Variants in MYO18B observed in about 807,000 individuals in gnomAD.
MYO18B encodes the protein unconventional myosin-XVIIIb.
Under a neutral mutation model 273.0 loss-of-function variants are expected in MYO18B, and 204 were observed. The observed-to-expected ratio is 0.75, with a 90% confidence interval of 0.67 to 0.84. The LOEUF is 0.84. Among genes scored for constraint, MYO18B ranks in the 40% least tolerant of loss-of-function variants. The pLI is 0.00. For synonymous variants in MYO18B, 1,330 were observed against 1,305.7 expected (o/e 1.02, Z -0.40); for missense variants, 3,212 against 3,287.6 (o/e 0.98, Z 0.56).
intron 34 of MYO18B, among the ~76,000 whole-genome samples, chr22:25,922,432 G>A (rs2092361557): frequency 1.3e-5 from 2 of 152,126 alleles, no homozygotes; most frequent in Non-Finnish European, 2.9e-5. Context: ...GCGGAGAGAT[G>A]TCCCAAAGCT....
In MYO18B at chr22:25,903,753, C is replaced by G; in HGVS notation, c.5070C>G (p.Leu1690=). Reference sequence around the variant, plus strand: ...GCGTTGCTGGCTTGAAGGAGAGGCTCTGGAAGTTGGAATCCAGCGCCCTTG... The same window carrying G: ...GCGTTGCTGGCTTGAAGGAGAGGCTGTGGAAGTTGGAATCCAGCGCCCTTG... The part of the protein sequence containing the change: ...ENCVAGLKER[L]WKLESSALEQ... Residue 1690 remains leucine (L), a synonymous_variant, in exon 31 of 44, where the codon CTC becomes CTG. Transcript: ENST00000335473. 6.2e-7 allele frequency: 1 copy of G among 1,604,964 alleles called. No individual in the cohort carries two copies. Among genetic ancestry groups the G allele is most frequent in the Non-Finnish European group, 8.5e-7 (1 of 1,175,792 alleles).
chr22:26,054,523 C>T, the MYO18B span, among the ~76,000 whole-genome samples: 1 of 152,214 alleles, frequency 6.6e-6, no homozygotes, highest in Non-Finnish European at 1.5e-5. Flanking sequence ...TGGGATCATT[C>T]AGGCTTCAAA....
chr22:26,044,554 C>T, the MYO18B span, among the ~76,000 whole-genome samples: 1,555 of 152,346 alleles, frequency 0.01, 16 homozygotes, highest in South Asian at 0.054. Flanking sequence ...CTCCCTGACA[C>T]GTCTGTGAAG....
intron 11 of MYO18B, among the ~76,000 whole-genome samples, chr22:25,786,013 G>A (rs1489499375): frequency 6.6e-6 from 1 of 152,186 alleles, no homozygotes; most frequent in Non-Finnish European, 1.5e-5. Flanking sequence ...GTCTATGAGT[G>A]GGGCTGAGAG....
At position 25,955,295 on chromosome 22, in the gene MYO18B, A is replaced by G. The variant is rs1023311698; in HGVS notation, c.6087A>G (p.Glu2029=). The change falls in exon 39 of 44, where the codon GAA becomes GAG. Residue 2029 remains glutamate, a synonymous_variant. Coordinates refer to ENST00000335473, the MANE Select transcript of MYO18B (RefSeq NM_032608.7). ...GCCAGTACTACCAGCGGCGCCTGGA[A>G]GAGCTGAAGGCCGACATGGAAGAGC... ...ESSQYYQRRL[E]ELKADMEELV... 1 of 1,613,800 alleles carries G rather than the reference A, an allele frequency of 6.2e-7. No individual in the cohort carries two copies. Among genetic ancestry groups the G allele is most frequent in the South Asian group, 1.1e-5 (1 of 91,052 alleles).
intron 25 of MYO18B, among the ~76,000 whole-genome samples, chr22:25,880,888 A>G (rs2091314565): frequency 6.6e-6 from 1 of 152,244 alleles, no homozygotes; most frequent in Non-Finnish European, 1.5e-5. Context: ...GCTGTAATCT[A>G]TATGCAGATC....
At chr22:25,829,211 C>A (rs1166337914) in intron 15 of MYO18B, among the ~76,000 whole-genome samples, 1 of 152,232 alleles carries the variant, frequency 6.6e-6, no homozygotes. Flanking sequence ...CGGGCTTCCC[C>A]AGTCCTTGCT....
intron 40 of MYO18B, among the ~76,000 whole-genome samples, chr22:25,992,835 T>A (rs2093284176): frequency 6.6e-6 from 1 of 152,204 alleles, no homozygotes; most frequent in South Asian, 2.1e-4. Flanking sequence ...TTAGGATGAA[T>A]CACATGCAAT....
At chr22:26,012,491 G>A (rs1224880352) in intron 42 of MYO18B, among the ~76,000 whole-genome samples, 2 of 152,132 alleles carry the variant, frequency 1.3e-5, no homozygotes, top group Non-Finnish European at 2.9e-5. Context: ...GAAGATTAGT[G>A]GAAAAGATTT....
intron 34 of MYO18B, among the ~76,000 whole-genome samples, chr22:25,945,106 G>C (rs1406876240): frequency 6.6e-6 from 1 of 152,172 alleles, no homozygotes; most frequent in East Asian, 1.9e-4. Context: ...CTTAGCCTTC[G>C]AGGATCTAGT....
At position 25,770,872 on chromosome 22, in the gene MYO18B, C is replaced by T. The variant is rs59815387; in HGVS notation, c.1580C>T (p.Ala527Val). Reference protein sequence around the residue: ...WLAQKDGFTLATVLKPDEGTA... With the variant: ...WLAQKDGFTLVTVLKPDEGTA... ...TTCTCTCTCTGGGATGTCCAACCAGCTACGGTGCTAAAGCCAGATGAGGGA... is the reference window on the plus strand; with the variant it reads ...TTCTCTCTCTGGGATGTCCAACCAGTTACGGTGCTAAAGCCAGATGAGGGA... The change falls in exon 6 of 44, where the codon GCT becomes GTT. Residue 527 changes from alanine to valine, a missense_variant and splice_region_variant. Coordinates refer to ENST00000335473, the MANE Select transcript of MYO18B (RefSeq NM_032608.7). The T allele has an allele frequency of 1.5e-4, 230 of 1,551,282 alleles. No individual in the cohort carries two copies. The African/African-American group carries it at 2.6e-3, about 18-fold the overall frequency.
intron 39 of MYO18B, among the ~76,000 whole-genome samples, chr22:25,956,212 C>CTT (rs60449297): frequency 4.3e-5 from 6 of 139,334 alleles, no homozygotes; most frequent in Non-Finnish European, 4.7e-5. Flanking sequence ...ACCGAGGAAC[C>CTT]TTTTTTTTTT....
chr22:25,865,331 T>C (rs1234703135), intron 21 of MYO18B, among the ~76,000 whole-genome samples: 2 of 152,184 alleles, frequency 1.3e-5, no homozygotes, highest in Non-Finnish European at 2.9e-5. Flanking sequence ...GGGCTAATGT[T>C]CTCAGCTACA....
intron 43 of MYO18B, among the ~76,000 whole-genome samples, chr22:26,028,073 G>A (rs1018772023): frequency 1.3e-5 from 2 of 151,884 alleles, no homozygotes; most frequent in Non-Finnish European, 1.5e-5. Flanking sequence ...GTGAAACCTC[G>A]TCTCTACTAA....
chr22:25,952,934 A>G (rs1569230640), intron 38 of MYO18B, among the ~76,000 whole-genome samples: 3 of 152,230 alleles, frequency 2.0e-5, no homozygotes, highest in East Asian at 1.9e-4. Flanking sequence ...TTTCAGAAGC[A>G]TATGTCTTTG....
chr22:25,772,973 G>T (rs901892937), intron 7 of MYO18B, among the ~76,000 whole-genome samples: 1 of 152,172 alleles, frequency 6.6e-6, no homozygotes, highest in African/African-American at 2.4e-5. Context: ...GCTCCTGTGT[G>T]CTCTTCATCC....
chr22:25,955,371 C>T lies in MYO18B; in HGVS notation c.6156+7C>T, dbSNP rs778494506. 6.2e-7 allele frequency: 1 copy of T among 1,604,762 alleles called. No individual in the cohort carries two copies. Among genetic ancestry groups the T allele is most frequent in the South Asian group, 1.1e-5 (1 of 90,526 alleles). Reference sequence around the variant, plus strand: ...CCGGCGGTGCATGGAGCTGGTGAGTCCTGTCCCCATCATGGGCTCTTAGCG... The same window carrying T: ...CCGGCGGTGCATGGAGCTGGTGAGTTCTGTCCCCATCATGGGCTCTTAGCG... On this transcript the variant is annotated splice_region_variant and intron_variant, in intron 39 of 43. Transcript: ENST00000335473.
chr22:25,851,388 C>G, intron 20 of MYO18B, 82 bp from the exon 21 acceptor site: 1 of 918,854 alleles, frequency 1.1e-6, no homozygotes, highest in East Asian at 2.6e-5. Context: ...ACCCTGCACT[C>G]CTGTCTAGGG....
At chr22:25,868,411 A>C in intron 22 of MYO18B, 26 bp downstream of exon 22, 1 of 1,567,164 alleles carries the variant, frequency 6.4e-7, no homozygotes, top group Non-Finnish European at 8.7e-7. Flanking sequence ...TTCTTACAAC[A>C]TTCGCCCATC....
Sources: allele counts gnomAD v4.1 joint callset (sites outside exome capture counted in the v4.1 genomes callset), GRCh38; gene constraint gnomAD v4.1.1; transcripts MANE v1.5; gene names NCBI Gene and HGNC (gene_info 2026-07-23, HGNC 2026-07-21).